FGF14: variants seen among roughly 807,000 people sequenced by gnomAD.
FGF14 encodes fibroblast growth factor 14.
FGF14 carries 5 observed loss-of-function variants against 25.5 expected under a neutral mutation model. The ratio of observed to expected loss-of-function variants is 0.20; its 90% confidence interval spans 0.10 to 0.41. The LOEUF is 0.41. FGF14 is among the 10% of genes least tolerant of loss of function. The pLI, the probability that FGF14 is intolerant of heterozygous loss-of-function variation, is 1.00. For synonymous variants in FGF14, 138 were observed against 118.3 expected (o/e 1.17, Z -1.08); for missense variants, 222 against 320.1 (o/e 0.69, Z 2.34).
chr13:102,352,768 C>A (rs1193458083), intron 1 of FGF14, among the ~76,000 whole-genome samples: 3 of 148,422 alleles, frequency 2.0e-5, no homozygotes, highest in African/African-American at 7.5e-5. Flanking sequence ...GCCGAGATCG[C>A]GCCACTGCAC....
At chr13:102,185,481 G>A (rs2048840922) in intron 1 of FGF14, among the ~76,000 whole-genome samples, 1 of 152,070 alleles carries the variant, frequency 6.6e-6, no homozygotes, top group African/African-American at 2.4e-5. Context: ...TAAAGGACCT[G>A]TTTTATATTC....
rs747890421 is a variant in FGF14 at position 101,938,864 on chromosome 13, GAT to G, written c.209-63570_209-63569del. ...CAGAATTATCCTTTTTAGAAAATAAGATAACTTCATTAAGGAGAGTAGTTCTT... is the reference window on the plus strand; with the variant it reads ...CAGAATTATCCTTTTTAGAAAATAAGAACTTCATTAAGGAGAGTAGTTCTT... On this transcript the variant is annotated intron_variant, in intron 1 of 4. Coordinates refer to the FGF14 transcript ENST00000376131. 9.2e-4 allele frequency among the ~76,000 whole-genome samples: 140 copies of G among 152,268 alleles called. 1 individual carries two copies. Among genetic ancestry groups the G allele is most frequent in the Non-Finnish European group, 1.8e-3 (120 of 68,012 alleles).
chr13:101,908,214 G>C (rs1011573245), intron 1 of FGF14, among the ~76,000 whole-genome samples: 1 of 152,130 alleles, frequency 6.6e-6, no homozygotes, highest in Admixed American at 6.6e-5. Context: ...ATGTGTCTGC[G>C]TATTTTTCTT....
intron 1 of FGF14, among the ~76,000 whole-genome samples, chr13:102,256,875 A>C (rs2052466867): frequency 6.6e-6 from 1 of 152,244 alleles, no homozygotes. Flanking sequence ...AAATCTAAGT[A>C]GTTTGAGTTA....
rs2035012008 is a variant in FGF14 at position 101,721,828 on chromosome 13, A to G, written c.*1003T>C. 6.6e-6 allele frequency: 1 copy of G among 151,432 alleles called. No homozygotes were observed. Among genetic ancestry groups the G allele is most frequent in the Non-Finnish European group, 1.5e-5 (1 of 67,872 alleles). 9.4% of individuals were successfully genotyped at this position (151,432 alleles called of 1,614,324 possible). Reference sequence around the variant, plus strand: ...TATCTGAAATGGATTTAGGTAGCGCAATTCTTGTAGGTTATAATTACTGAT... The same window carrying G: ...TATCTGAAATGGATTTAGGTAGCGCGATTCTTGTAGGTTATAATTACTGAT... On this transcript the variant is annotated 3_prime_UTR_variant, in exon 5 of 5. Coordinates refer to ENST00000376143, the MANE Select transcript of FGF14 (RefSeq NM_004115.4).
At chr13:101,852,115 T>C (rs986503151) in intron 3 of FGF14, among the ~76,000 whole-genome samples, 9 of 152,124 alleles carry the variant, frequency 5.9e-5, no homozygotes, top group African/African-American at 1.9e-4. Context: ...ATTACACTTA[T>C]GCTACTGAGG....
intron 3 of FGF14, among the ~76,000 whole-genome samples, chr13:101,829,297 T>C (rs1052376167): frequency 6.6e-6 from 1 of 152,120 alleles, no homozygotes; most frequent in Non-Finnish European, 1.5e-5. Context: ...GCTTTGAATC[T>C]GTGTGAAATC....
intron 1 of FGF14, among the ~76,000 whole-genome samples, chr13:102,216,424 TGTTA>T (rs2050374130): frequency 2.6e-5 from 4 of 152,228 alleles, no homozygotes; most frequent in Non-Finnish European, 5.9e-5. Context: ...CACTAGAGAA[TGTTA>T]CATGGAAGGC....
At chr13:102,211,010 A>T (rs1282975740) in intron 1 of FGF14, among the ~76,000 whole-genome samples, 1 of 152,046 alleles carries the variant, frequency 6.6e-6, no homozygotes, top group Non-Finnish European at 1.5e-5. Context: ...TTTTTGCAAC[A>T]ACTATGACCA....
At chr13:102,025,985 G>A (rs1224279168) in intron 1 of FGF14, among the ~76,000 whole-genome samples, 1 of 151,944 alleles carries the variant, frequency 6.6e-6, no homozygotes, top group East Asian at 1.9e-4. Flanking sequence ...CAAATACAAT[G>A]TTAAACAGAA....
At chr13:102,142,629 G>A (rs2046689935) in intron 1 of FGF14, among the ~76,000 whole-genome samples, 1 of 152,166 alleles carries the variant, frequency 6.6e-6, no homozygotes, top group South Asian at 2.1e-4. Context: ...TGCCTCTAAG[G>A]TAGAAAGGGT....
intron 1 of FGF14, among the ~76,000 whole-genome samples, chr13:102,079,682 G>A (rs956162018): frequency 1.3e-5 from 2 of 152,154 alleles, no homozygotes; most frequent in Non-Finnish European, 1.5e-5. Flanking sequence ...CATGGAGCTC[G>A]TTCTTCAGGG....
chr13:102,205,297 T>C (rs1196603119), intron 1 of FGF14, among the ~76,000 whole-genome samples: 2 of 152,078 alleles, frequency 1.3e-5, no homozygotes, highest in Admixed American at 6.5e-5. Context: ...ACAAAACTGA[T>C]ATAAAGTCTA....
intron 1 of FGF14, among the ~76,000 whole-genome samples, chr13:102,055,772 C>G (rs1415398903): frequency 2.0e-5 from 3 of 152,158 alleles, no homozygotes; most frequent in Admixed American, 6.5e-5. Flanking sequence ...TTGTATTAAT[C>G]TATTTTCATA....
At chr13:101,944,456 T>G (rs2035678959) in intron 1 of FGF14, among the ~76,000 whole-genome samples, 1 of 152,180 alleles carries the variant, frequency 6.6e-6, no homozygotes, top group Admixed American at 6.6e-5. Context: ...TATCTAAAAC[T>G]TTATTTATTA....
At chr13:101,782,246 A>G (rs567003827) in intron 3 of FGF14, among the ~76,000 whole-genome samples, 1 of 152,354 alleles carries the variant, frequency 6.6e-6, no homozygotes, top group South Asian at 2.1e-4. Flanking sequence ...TAATTGTTAT[A>G]TCCTATTCAT....
At chr13:101,813,947 T>A (rs968516933) in intron 3 of FGF14, among the ~76,000 whole-genome samples, 1 of 152,150 alleles carries the variant, frequency 6.6e-6, no homozygotes, top group African/African-American at 2.4e-5. Context: ...GCAACAAACA[T>A]TTTAAAGGGC....
At chr13:102,035,121 G>A (rs1288923895) in intron 1 of FGF14, among the ~76,000 whole-genome samples, 2 of 152,056 alleles carry the variant, frequency 1.3e-5, no homozygotes, top group Admixed American at 6.6e-5. Context: ...CTGAGTTGAT[G>A]AGTCAGACAC....
intron 3 of FGF14, among the ~76,000 whole-genome samples, chr13:101,754,042 G>A (rs1232398626): frequency 6.6e-6 from 1 of 152,172 alleles, no homozygotes; most frequent in East Asian, 1.9e-4. Context: ...CGCGTGCCTG[G>A]AATAGCCATT....
Sources: gnomAD v4.1 joint callset for allele counts (sites outside exome capture counted in the v4.1 genomes callset) on GRCh38, gnomAD v4.1.1 for gene constraint, MANE v1.5 for transcripts, NCBI Gene and HGNC (gene_info 2026-07-23, HGNC 2026-07-21) for gene names.